Variants in PITX1 observed in about 807,000 individuals in gnomAD.
The protein encoded by PITX1 is paired like homeodomain 1.
In PITX1, 5 loss-of-function variants were observed where a neutral mutation model predicts 24.1. That is an observed-to-expected ratio of 0.21 (90% CI 0.11 to 0.44). PITX1 has a LOEUF of 0.44. Among genes scored for constraint, PITX1 ranks in the 20% least tolerant of loss-of-function variants. PITX1 has a pLI of 0.99. For missense variants in PITX1, 401 were observed against 455.4 expected, an observed-to-expected ratio of 0.88 and a Z score of 1.09; for synonymous variants, 213 against 208.9, an observed-to-expected ratio of 1.02 and a Z score of -0.17.
chr5:135,030,459 CTGGGAT>C (rs370274679), intron 2 of PITX1, among the ~76,000 whole-genome samples: 4 of 152,216 alleles, frequency 2.6e-5, no homozygotes, highest in African/African-American at 9.7e-5. Flanking sequence ...TGTGGGCCAG[CTGGGAT>C]TTTGGTCGAC....
intron 2 of PITX1, among the ~76,000 whole-genome samples, chr5:135,030,974 G>A (rs1418997961): frequency 6.6e-6 from 1 of 152,190 alleles, no homozygotes; most frequent in Admixed American, 6.5e-5. Context: ...ATCTGAGTGG[G>A]TCCTGGGCCC....
chr5:135,033,016 A>G lies in PITX1; in HGVS notation c.169+697T>C. The G allele has an allele frequency of 2.3e-6, 1 of 437,452 alleles. No homozygotes were observed. Among genetic ancestry groups the G allele is most frequent in the South Asian group, 1.6e-5 (1 of 63,556 alleles). 27.1% of individuals were successfully genotyped at this position (437,452 alleles called of 1,614,324 possible). On this transcript the variant is annotated intron_variant, in intron 1 of 2. Transcript: ENST00000265340. The surrounding 1 kb of genome is among the most constrained non-coding windows in gnomAD (Gnocchi z 5.9). ...GCGGGCCCAGTTCGCTGCTGGAAAA[A>G]AGCTCCAGCTCGGACAAAAAAAGGC...
rs1389558165 is a variant in PITX1 at position 135,028,857 on chromosome 5, G to C, written c.867C>G (p.Ser289=). Residue 289 remains serine, a synonymous_variant, in exon 3 of 3, where the codon TCC becomes TCG. Transcript: ENST00000265340. ...NSSLASLRLK[S]KQHSSFGYGG... ...CGTAGCCAAACGACGAGTGCTGTTT[G>C]GACTTGAGCCGCAGGCTGGCTAGGC... 1 of 1,613,728 alleles carries C rather than the reference G, an allele frequency of 6.2e-7. No homozygotes were observed. The highest frequency in any genetic ancestry group is 8.5e-7 in the Non-Finnish European group (1 of 1,179,946).
At position 135,033,957 on chromosome 5, in the gene PITX1, G is replaced by A. The variant is rs1313858245; in HGVS notation, c.-76C>T. 10 of 990,722 alleles carry A rather than the reference G, an allele frequency of 1.0e-5. No homozygotes were observed. Among genetic ancestry groups the A allele is most frequent in the Non-Finnish European group, 1.3e-5 (10 of 759,608 alleles). The allele number at this position is 990,722 out of a possible 1,614,324, so 61.4% of individuals were successfully genotyped here. A position where few individuals can be genotyped will look rare whatever the true frequency, so the allele number is the denominator to read the frequency against. On this transcript the variant is annotated 5_prime_UTR_variant, in exon 1 of 3. Coordinates refer to ENST00000265340, the MANE Select transcript of PITX1 (RefSeq NM_002653.5). The surrounding 1 kb of genome is among the most constrained non-coding windows in gnomAD (Gnocchi z 5.9). ...CGCCGCCCTGGCTGCGACCTGCGGG[G>A]ACAAGAGCGCAGCGCCTAAGCGGCT...
At chr5:135,032,181 A>G (rs1752466361) in intron 1 of PITX1, among the ~76,000 whole-genome samples, 1 of 152,248 alleles carries the variant, frequency 6.6e-6, no homozygotes, top group Non-Finnish European at 1.5e-5. Context: ...GAAGCCCAGA[A>G]AAGCTCACAG....
rs745642164 is a variant in PITX1, at chr5:135,031,265, C to T, written c.402+11G>A. ...TGCGCGGGTGCCCTTAGGCGCGCAC[C>T]CCTTGCTCACCCGCACGCGCGGCTC... On this transcript the variant is annotated intron_variant, in intron 2 of 2. Coordinates refer to ENST00000265340, the MANE Select transcript of PITX1 (RefSeq NM_002653.5). 6.2e-7 allele frequency: 1 copy of T among 1,612,304 alleles called. No individual in the cohort carries two copies. Among genetic ancestry groups the T allele is most frequent in the Non-Finnish European group, 8.5e-7 (1 of 1,178,420 alleles).
chr5:135,032,710 T>C (rs7700313), intron 1 of PITX1: 37,192 of 216,218 alleles, frequency 0.17, 5,116 homozygotes, highest in African/African-American at 0.42. Context: ...CTCTCTAGGT[T>C]TTAAAAATAA....
upstream of PITX1, chr5:135,034,358 A>C (rs545961663): frequency 1.3e-5 from 2 of 151,930 alleles, no homozygotes; most frequent in Non-Finnish European, 3.0e-5. Context: ...TCCAGCCCCA[A>C]GCCGCCCGCG....
rs757066552 is a variant in PITX1, at chr5:135,028,863, G to A, written c.861C>T (p.Leu287=). 3.1e-6 allele frequency: 5 copies of A among 1,613,886 alleles called. No individual in the cohort carries two copies. In the African/African-American group the frequency reaches 4.0e-5, roughly 13 times the overall value. The change falls in exon 3 of 3, where the codon CTC becomes CTT. Residue 287 remains leucine, a synonymous_variant. Transcript: ENST00000265340. The part of the protein sequence containing the change: ...TCNSSLASLR[L]KSKQHSSFGY... ...CAAACGACGAGTGCTGTTTGGACTT[G>A]AGCCGCAGGCTGGCTAGGCTCGAGT...
Position 135,028,823 on chromosome 5 carries a change from G to A in PITX1, c.901C>T (p.Gln301Ter), listed in dbSNP as rs367566700. 10 of 1,612,158 alleles carry A rather than the reference G, an allele frequency of 6.2e-6. No homozygotes were observed. The highest frequency in any genetic ancestry group is 6.8e-6 in the Non-Finnish European group (8 of 1,179,532). Reference sequence around the variant, plus strand: ...GCGTTGAGGCCCGAGGCCGGGCCCTGCAGGCCGCCGTAGCCAAACGACGAG... The same window carrying A: ...GCGTTGAGGCCCGAGGCCGGGCCCTACAGGCCGCCGTAGCCAAACGACGAG... ...QHSSFGYGGL[Q>*]GPASGLNACQ... Residue 301 changes from glutamine to a stop codon, truncating the protein, a stop_gained, in exon 3 of 3, where the codon CAG becomes TAG. Transcript: ENST00000265340. LOFTEE classifies it high-confidence loss of function.
chr5:135,033,157 A>C lies in PITX1; in HGVS notation c.169+556T>G. ...CGGCGTTCCGGCTGGCCTTGCTGGG[A>C]GTCCGGCCGCGCCTGTTGGCCCGCT... On this transcript the variant is annotated intron_variant, in intron 1 of 2. Transcript: ENST00000265340. The surrounding 1 kb of genome is among the most constrained non-coding windows in gnomAD (Gnocchi z 5.9). The C allele has an allele frequency of 3.0e-6, 1 of 327,990 alleles. No homozygotes were observed. Among genetic ancestry groups the C allele is most frequent in the Non-Finnish European group, 6.0e-6 (1 of 167,974 alleles). 20.3% of individuals were successfully genotyped at this position (327,990 alleles called of 1,614,324 possible).
In PITX1 at chr5:135,031,372, T is replaced by C; in HGVS notation, c.306A>G (p.Gln102=). 1.9e-6 allele frequency: 3 copies of C among 1,614,048 alleles called. No individual in the cohort carries two copies. The highest frequency in any genetic ancestry group is 1.7e-6 in the Non-Finnish European group (2 of 1,179,896). Residue 102 remains glutamine (Q), a synonymous_variant, in exon 2 of 3, where the codon CAA becomes CAG. Coordinates refer to ENST00000265340, the MANE Select transcript of PITX1 (RefSeq NM_002653.5). ...TCCTCTGGAACGTGGCCTCTAGCTC[T>C]TGCAACTGCTGGCTTGTGAAGTGCG... The part of the protein sequence containing the change: ...QRTHFTSQQL[Q]ELEATFQRNR...
intron 2 of PITX1, 117 bp from the exon 3 acceptor site, chr5:135,029,438 C>T: frequency 1.3e-6 from 1 of 775,756 alleles, no homozygotes; most frequent in East Asian, 2.5e-5. Flanking sequence ...TCGTTTCTCT[C>T]CTTCGACCGA....
At position 135,033,986 on chromosome 5, in the gene PITX1, C is replaced by G. The variant is rs1390105294; in HGVS notation, c.-105G>C. The G allele has an allele frequency of 1.4e-6, 1 of 696,608 alleles. No homozygotes were observed. Among genetic ancestry groups the G allele is most frequent in the Non-Finnish European group, 2.0e-6 (1 of 511,588 alleles). The allele number at this position is 696,608 out of a possible 1,614,324, so 43.2% of individuals were successfully genotyped here. A position where few individuals can be genotyped will look rare whatever the true frequency, so the allele number is the denominator to read the frequency against. ...AGAGCGCAGCGCCTAAGCGGCTGCCCTCCAGGGCTGCCGGCGCCTGCAGCG... is the reference window on the plus strand; with the variant it reads ...AGAGCGCAGCGCCTAAGCGGCTGCCGTCCAGGGCTGCCGGCGCCTGCAGCG... On this transcript the variant is annotated 5_prime_UTR_variant, in exon 1 of 3. Coordinates refer to ENST00000265340, the MANE Select transcript of PITX1 (RefSeq NM_002653.5). This position sits in a 1 kb window ranked among gnomAD's most constrained non-coding sequence, Gnocchi z 5.9.
chr5:135,034,288 G>A (rs1752528076), upstream of PITX1: 1 of 151,442 alleles, frequency 6.6e-6, no homozygotes, highest in Non-Finnish European at 1.5e-5. Context: ...GCTGGGTGGG[G>A]TGGGCCTGGG....
chr5:135,031,797 C>A, intron 1 of PITX1: 1 of 538,964 alleles, frequency 1.9e-6, no homozygotes, highest in Non-Finnish European at 3.3e-6. Flanking sequence ...AGATTCTGAC[C>A]CTGCTGCTGA....
chr5:135,031,406 C>T lies in PITX1; in HGVS notation c.272G>A (p.Arg91Gln), dbSNP rs1254713180. 2.5e-6 allele frequency: 4 copies of T among 1,613,966 alleles called. No individual in the cohort carries two copies. Among genetic ancestry groups the T allele is most frequent in the African/African-American group, 2.7e-5 (2 of 74,932 alleles). The change falls in exon 2 of 3, where the codon CGG (arginine) becomes CAG (glutamine). Residue 91 changes from arginine to glutamine, a missense_variant. Arg to Gln is a conservative substitution (Grantham distance 43). Transcript: ENST00000265340. ...CTGGCTTGTGAAGTGCGTACGTTGCCGCCGCTGCTTCTTCTTCTTGGCTGG... is the reference window on the plus strand; with the variant it reads ...CTGGCTTGTGAAGTGCGTACGTTGCTGCCGCTGCTTCTTCTTCTTGGCTGG... ...DDPAKKKKQRRQRTHFTSQQL... is the reference protein window; with the variant it reads ...DDPAKKKKQRQQRTHFTSQQL...
At chr5:135,034,360 C>G (rs1365824365), upstream of PITX1, 7 of 152,034 alleles carry the variant, frequency 4.6e-5, no homozygotes, top group African/African-American at 1.7e-4. Flanking sequence ...CAGCCCCAAG[C>G]CGCCCGCGCC....
At chr5:135,034,452 C>G (rs1448868209), upstream of PITX1, 1 of 152,412 alleles carries the variant, frequency 6.6e-6, no homozygotes, top group Non-Finnish European at 1.5e-5. Flanking sequence ...CGCCGCCTCC[C>G]CGCCCCCCGC....
Sources: allele counts gnomAD v4.1 joint callset (sites outside exome capture counted in the v4.1 genomes callset), GRCh38; gene constraint gnomAD v4.1.1; non-coding constraint Gnocchi (gnomAD v3.1); transcripts MANE v1.5; gene names NCBI Gene and HGNC (gene_info 2026-07-23, HGNC 2026-07-21).